Variants in ZFAND4 observed in about 807,000 individuals in gnomAD.
ZFAND4 encodes zinc finger AN1-type containing 4, also known as AN1-type zinc finger protein 4.
ZFAND4 carries 43 observed loss-of-function variants against 64.4 expected under a neutral mutation model. The ratio of observed to expected loss-of-function variants is 0.67; its 90% CI spans 0.52 to 0.86. The LOEUF (loss-of-function observed/expected upper bound fraction) is 0.86, where lower values mean the gene tolerates loss of function less well. ZFAND4 is among the 40% of genes least tolerant of loss of function. The probability of loss-of-function intolerance (pLI) is 0.00; values close to 1 mark genes in which losing one functional copy is unlikely to be tolerated. For synonymous variants in ZFAND4, 296 were observed against 305.7 expected (o/e 0.97, Z 0.33); for missense variants, 929 against 859.8 (o/e 1.08, Z -1.01).
At position 45,616,561 on chromosome 10, in the gene ZFAND4, T is replaced by C. The variant is rs1564537125; in HGVS notation, c.2059A>G (p.Asn687Asp). 1.2e-6 allele frequency: 2 copies of C among 1,614,058 alleles called. No homozygotes were observed. Among genetic ancestry groups the C allele is most frequent in the African/African-American group, 1.3e-5 (1 of 75,032 alleles). ...ASSYECRCGN[N>D]FCASHRYAET... Reference sequence around the variant, plus strand: ...GCATAACGATGAGATGCACAGAAGTTGTTTCCACATCTAAAGCACAAAAAA... The same window carrying C: ...GCATAACGATGAGATGCACAGAAGTCGTTTCCACATCTAAAGCACAAAAAA... Residue 687 changes from asparagine (N) to aspartate (D), a missense_variant, in exon 10 of 10, where the codon AAC becomes GAC. Physicochemically the swap from Asn to Asp is conservative, Grantham distance 23. Coordinates refer to ENST00000344646, the MANE Select transcript of ZFAND4 (RefSeq NM_174890.4).
chr10:45,649,712 CT>C (rs1465948568), intron 4 of ZFAND4: 1 of 152,164 alleles, frequency 6.6e-6, no homozygotes, highest in Non-Finnish European at 1.5e-5. Flanking sequence ...TTAAAAGACA[CT>C]TTTCAAACAA....
rs116541160 is a variant in ZFAND4, at chr10:45,659,840, G to C, written c.184+3702C>G. Reference sequence around the variant, plus strand: ...CAGAAATAAAGAATGCCTTTGATTGGTCATCTGCAGACTGGATCTGGAAAA... The same window carrying C: ...CAGAAATAAAGAATGCCTTTGATTGCTCATCTGCAGACTGGATCTGGAAAA... On this transcript the variant is annotated intron_variant, in intron 2 of 9. Transcript: ENST00000344646. 6.9e-3 allele frequency among the ~76,000 whole-genome samples: 1,047 copies of C among 152,226 alleles called. 15 individuals are homozygous for C. The highest frequency in any genetic ancestry group is 0.024 in the African/African-American group (1,000 of 41,544).
intron 8 of ZFAND4, among the ~76,000 whole-genome samples, chr10:45,620,502 C>A (rs184039269): frequency 6.6e-6 from 1 of 152,082 alleles, no homozygotes; most frequent in East Asian, 1.9e-4. Flanking sequence ...AGAACTCTTG[C>A]GAATGTGTAG....
Position 45,650,081 on chromosome 10 carries a change from T to C in ZFAND4, c.329-1547A>G, listed in dbSNP as rs143986535. The C allele has an allele frequency of 1.9e-3, 296 of 152,340 alleles. 2 individuals carry two copies. Among genetic ancestry groups the C allele is most frequent in the African/African-American group, 6.7e-3 (277 of 41,588 alleles). 9.4% of individuals were successfully genotyped at this position (152,340 alleles called of 1,614,324 possible). On this transcript the variant is annotated intron_variant, in intron 4 of 9. Coordinates refer to ENST00000344646, the MANE Select transcript of ZFAND4 (RefSeq NM_174890.4). The stretch of plus-strand genomic sequence containing the variant: ...TAATCTTTCTATGCTGCTTTGATAA[T>C]AGTTATTTCAAAAACAATTTTTTTT...
chr10:45,653,074 A>AT lies in ZFAND4; in HGVS notation c.185-16dup, dbSNP rs2047865608. The stretch of plus-strand genomic sequence containing the variant: ...GATGGGAATACCTTAAGGGAAAGTT[A>AT]TTAAAAAAAAGTGTTAAAGAATTCA... On this transcript the variant is annotated splice_polypyrimidine_tract_variant and intron_variant, in intron 2 of 9. Coordinates refer to ENST00000344646, the MANE Select transcript of ZFAND4 (RefSeq NM_174890.4). 2 of 1,588,318 alleles carry AT rather than the reference A, an allele frequency of 1.3e-6. No homozygotes were observed. The highest frequency in any genetic ancestry group is 1.7e-6 in the Non-Finnish European group (2 of 1,161,390).
intron 3 of ZFAND4, 60 bp downstream of exon 3, chr10:45,652,924 T>C (rs1358633864): frequency 5.5e-6 from 7 of 1,275,120 alleles, no homozygotes; most frequent in Admixed American, 2.0e-5. Flanking sequence ...AGAAAAACAT[T>C]AGCATATGGA....
At chr10:45,640,242 A>G (rs1288303974) in intron 5 of ZFAND4, 5 of 1,220,986 alleles carry the variant, frequency 4.1e-6, no homozygotes, top group Non-Finnish European at 5.2e-6. Flanking sequence ...GACACCTGCC[A>G]TATCATTCCC....
intron 8 of ZFAND4, chr10:45,621,047 T>A (rs923054620): frequency 5.3e-5 from 8 of 152,224 alleles, no homozygotes; most frequent in Non-Finnish European, 1.0e-4. Flanking sequence ...ATATTTTATC[T>A]AACATCTAAC....
Position 45,616,120 on chromosome 10 carries a change from G to T in ZFAND4, c.*316C>A. 4.0e-6 allele frequency: 1 copy of T among 251,140 alleles called. No homozygotes were observed. Among genetic ancestry groups the T allele is most frequent in the Non-Finnish European group, 7.7e-6 (1 of 130,640 alleles). 15.6% of individuals were successfully genotyped at this position (251,140 alleles called of 1,614,324 possible). ...AGCCTGGTTATTTAGGAAATATTTC[G>T]TTTCCTAAAGTGCATCTTTTGAAGA... On this transcript the variant is annotated 3_prime_UTR_variant, in exon 10 of 10. Transcript: ENST00000344646.
chr10:45,653,054 G>T lies in ZFAND4; in HGVS notation c.190C>A (p.Pro64Thr). 1.2e-6 allele frequency: 2 copies of T among 1,607,676 alleles called. No homozygotes were observed. Among genetic ancestry groups the T allele is most frequent in the South Asian group, 1.1e-5 (1 of 90,296 alleles). ...KAKIRRLEGI[P>T]ICRQHLIWNN... ...CAAATTAAGTGTTGTCGACAGATGG[G>T]AATACCTTAAGGGAAAGTTATTAAA... Residue 64 changes from proline to threonine, a missense_variant, in exon 3 of 10, where the codon CCC becomes ACC. Pro to Thr is a conservative substitution (Grantham distance 38). Coordinates refer to ENST00000344646, the MANE Select transcript of ZFAND4 (RefSeq NM_174890.4).
At chr10:45,620,411 G>C (rs2133514744) in intron 8 of ZFAND4, among the ~76,000 whole-genome samples, 1 of 152,220 alleles carries the variant, frequency 6.6e-6, no homozygotes, top group South Asian at 2.1e-4. Flanking sequence ...AACCCGCGAG[G>C]AAGAGGTTGC....
At chr10:45,669,072 G>A (rs756524656) in intron 1 of ZFAND4, among the ~76,000 whole-genome samples, 1 of 152,112 alleles carries the variant, frequency 6.6e-6, no homozygotes, top group Non-Finnish European at 1.5e-5. Flanking sequence ...AGGAAATAGA[G>A]ACACAAAAAT....
At chr10:45,647,811 A>G (rs2047489173) in intron 5 of ZFAND4, among the ~76,000 whole-genome samples, 1 of 152,226 alleles carries the variant, frequency 6.6e-6, no homozygotes, top group Admixed American at 6.5e-5. Context: ...CAGAATGCAC[A>G]GCAACTAACT....
chr10:45,641,375 T>G (rs1455629607), intron 5 of ZFAND4, among the ~76,000 whole-genome samples: 1 of 152,204 alleles, frequency 6.6e-6, no homozygotes, highest in African/African-American at 2.4e-5. Flanking sequence ...TGAGGAAAAT[T>G]TCCCGTTTTA....
rs2044956908 is a variant in ZFAND4 at position 45,616,544 on chromosome 10, A to C, written c.2076T>G (p.His692Gln). ...TACAGCCATGAGTTTCTGCATAACGATGAGATGCACAGAAGTTGTTTCCAC... is the reference window on the plus strand; with the variant it reads ...TACAGCCATGAGTTTCTGCATAACGCTGAGATGCACAGAAGTTGTTTCCAC... The part of the protein sequence containing the change: ...CRCGNNFCAS[H>Q]RYAETHGCTY... Residue 692 changes from histidine (H) to glutamine (Q), a missense_variant, in exon 10 of 10, where the codon CAT becomes CAG. Coordinates refer to ENST00000344646, the MANE Select transcript of ZFAND4 (RefSeq NM_174890.4). 2.5e-6 allele frequency: 4 copies of C among 1,614,034 alleles called. No homozygotes were observed. The highest frequency in any genetic ancestry group is 3.4e-6 in the Non-Finnish European group (4 of 1,180,032).
intron 5 of ZFAND4, among the ~76,000 whole-genome samples, chr10:45,646,103 G>A (rs911050812): frequency 6.6e-6 from 1 of 152,064 alleles, no homozygotes; most frequent in South Asian, 2.1e-4. Flanking sequence ...ACCTCAATTA[G>A]GTAAAACGTT....
chr10:45,658,019 G>A (rs1419227293), intron 2 of ZFAND4, among the ~76,000 whole-genome samples: 1 of 152,164 alleles, frequency 6.6e-6, no homozygotes, highest in African/African-American at 2.4e-5. Context: ...GTGACTGTAT[G>A]ATAGTAAATG....
At chr10:45,656,167 G>C (rs1199856172) in intron 2 of ZFAND4, among the ~76,000 whole-genome samples, 1 of 152,136 alleles carries the variant, frequency 6.6e-6, no homozygotes, top group Non-Finnish European at 1.5e-5. Flanking sequence ...GGAGGCGGAG[G>C]TTGCAGTGAG....
At chr10:45,619,030 G>C (rs2045213238) in intron 8 of ZFAND4, among the ~76,000 whole-genome samples, 1 of 151,616 alleles carries the variant, frequency 6.6e-6, no homozygotes, top group Admixed American at 6.6e-5. Context: ...TATTATATAA[G>C]AAAGAATTAA....
Sources: allele counts gnomAD v4.1 joint callset (sites outside exome capture counted in the v4.1 genomes callset), GRCh38; gene constraint gnomAD v4.1.1; transcripts MANE v1.5; gene names NCBI Gene and HGNC (gene_info 2026-07-23, HGNC 2026-07-21).